SGMS1: variants seen among roughly 807,000 people sequenced by gnomAD.
SGMS1 encodes sphingomyelin synthase 1, also known as phosphatidylcholine:ceramide cholinephosphotransferase 1.
Under a neutral mutation model 46.2 loss-of-function variants are expected in SGMS1, and 13 were observed. The observed-to-expected ratio is 0.28, with a 90% CI of 0.18 to 0.45. The LOEUF (loss-of-function observed/expected upper bound fraction) is 0.45, where lower values mean the gene tolerates loss of function less well. SGMS1 is among the 20% of genes least tolerant of loss of function. The pLI is 1.00. For synonymous variants in SGMS1, 203 were observed against 187.8 expected (o/e 1.08, Z -0.66); for missense variants, 324 against 519.9 (o/e 0.62, Z 3.66).
chr10:50,403,001 C>T (rs889250310), intron 6 of SGMS1, among the ~76,000 whole-genome samples: 2 of 152,136 alleles, frequency 1.3e-5, no homozygotes, highest in South Asian at 2.1e-4. Flanking sequence ...TCCTGAGTTA[C>T]TCCACTTAGA....
intron 1 of SGMS1, among the ~76,000 whole-genome samples, chr10:50,604,219 C>T (rs1414427549): frequency 6.6e-6 from 1 of 152,108 alleles, no homozygotes; most frequent in East Asian, 1.9e-4. Flanking sequence ...CAGCTGGACC[C>T]TCATAAACCT....
chr10:50,408,501 G>A (rs1236742703), intron 6 of SGMS1, among the ~76,000 whole-genome samples: 1 of 151,374 alleles, frequency 6.6e-6, no homozygotes, highest in Non-Finnish European at 1.5e-5. Flanking sequence ...GGCTAACACG[G>A]TGAAACCCCA....
At position 50,520,832 on chromosome 10, in the gene SGMS1, T is replaced by C. The variant is rs117044271; in HGVS notation, c.-588-911A>G. On this transcript the variant is annotated intron_variant, in intron 2 of 10. Coordinates refer to ENST00000361781, the MANE Select transcript of SGMS1 (RefSeq NM_147156.4). ...ACAAAGGTAGTTAAGAAACACCTTATCTTTTCTGCATACTCTACTTTTCTC... is the reference window on the plus strand; with the variant it reads ...ACAAAGGTAGTTAAGAAACACCTTACCTTTTCTGCATACTCTACTTTTCTC... 4.7e-4 allele frequency among the ~76,000 whole-genome samples: 72 copies of C among 152,324 alleles called. No homozygotes were observed. The East Asian group carries it at 5.4e-3, about 11-fold the overall frequency.
At chr10:50,444,161 TA>T (rs1307916229) in intron 5 of SGMS1, among the ~76,000 whole-genome samples, 2 of 152,102 alleles carry the variant, frequency 1.3e-5, no homozygotes, top group African/African-American at 4.8e-5. Context: ...GTAAATAGAC[TA>T]AACATTTAAT....
intron 3 of SGMS1, among the ~76,000 whole-genome samples, chr10:50,499,697 A>G (rs1451700323): frequency 1.3e-5 from 2 of 152,262 alleles, no homozygotes; most frequent in Admixed American, 1.3e-4. Context: ...AGTGGTAACA[A>G]GAACTTGTCA....
chr10:50,339,213 C>G (rs914496978), intron 7 of SGMS1, among the ~76,000 whole-genome samples: 1 of 152,210 alleles, frequency 6.6e-6, no homozygotes, highest in Non-Finnish European at 1.5e-5. Context: ...CCTTATCCAT[C>G]CATGGCTCAC....
chr10:50,503,691 G>A (rs533323370), intron 3 of SGMS1, among the ~76,000 whole-genome samples: 1 of 152,306 alleles, frequency 6.6e-6, no homozygotes, highest in South Asian at 2.1e-4. Flanking sequence ...TCTTCACACG[G>A]ATATGAGTGA....
intron 6 of SGMS1, among the ~76,000 whole-genome samples, chr10:50,397,615 CT>C (rs1372769834): frequency 6.6e-6 from 1 of 152,158 alleles, no homozygotes; most frequent in Non-Finnish European, 1.5e-5. Context: ...CTCTGTGCAT[CT>C]GAGTTATCTC....
At chr10:50,446,647 G>A (rs1588830504) in intron 5 of SGMS1, among the ~76,000 whole-genome samples, 1 of 152,126 alleles carries the variant, frequency 6.6e-6, no homozygotes, top group South Asian at 2.1e-4. Flanking sequence ...AAGACACCAG[G>A]AGCATAAGCA....
chr10:50,504,750 G>C (rs1198578147), intron 3 of SGMS1, among the ~76,000 whole-genome samples: 1 of 151,912 alleles, frequency 6.6e-6, no homozygotes, highest in Non-Finnish European at 1.5e-5. Flanking sequence ...AGTCAAAAAG[G>C]TTTAGAAAAA....
chr10:50,617,128 G>C (rs1259844421), intron 1 of SGMS1, among the ~76,000 whole-genome samples: 2 of 152,100 alleles, frequency 1.3e-5, no homozygotes, highest in Non-Finnish European at 2.9e-5. Context: ...GCAAGTAATG[G>C]GGACAGTTTC....
chr10:50,607,127 C>T (rs1838704823), intron 1 of SGMS1, among the ~76,000 whole-genome samples: 1 of 151,256 alleles, frequency 6.6e-6, no homozygotes, highest in Admixed American at 6.6e-5. Flanking sequence ...TACAGATGCA[C>T]ACCACCACAC....
chr10:50,393,070 A>G (rs1399698129), intron 6 of SGMS1, among the ~76,000 whole-genome samples: 1 of 152,076 alleles, frequency 6.6e-6, no homozygotes, highest in African/African-American at 2.4e-5. Flanking sequence ...CTGACTTCAC[A>G]AAACTGCTGA....
chr10:50,603,296 A>G (rs1437019126), intron 1 of SGMS1, among the ~76,000 whole-genome samples: 3 of 152,240 alleles, frequency 2.0e-5, no homozygotes, highest in African/African-American at 7.2e-5. Flanking sequence ...ATTGCTGGTG[A>G]GAGGCCGGAG....
intron 6 of SGMS1, among the ~76,000 whole-genome samples, chr10:50,382,665 A>G (rs774225473): frequency 2.6e-5 from 4 of 151,928 alleles, no homozygotes; most frequent in Non-Finnish European, 5.9e-5. Context: ...ATAAACAGCA[A>G]TGGAGAGGAG....
chr10:50,607,756 T>C (rs982162002), intron 1 of SGMS1, among the ~76,000 whole-genome samples: 1 of 152,218 alleles, frequency 6.6e-6, no homozygotes, highest in Non-Finnish European at 1.5e-5. Context: ...TAGGAAATAC[T>C]AAAATGAAAC....
chr10:50,500,973 T>C (rs1294039565), intron 3 of SGMS1, among the ~76,000 whole-genome samples: 1 of 152,114 alleles, frequency 6.6e-6, no homozygotes, highest in African/African-American at 2.4e-5. Flanking sequence ...TAATAAGGGA[T>C]CTCATCTGAT....
intron 7 of SGMS1, among the ~76,000 whole-genome samples, chr10:50,337,445 C>A (rs936218331): frequency 6.6e-6 from 1 of 152,040 alleles, no homozygotes; most frequent in East Asian, 1.9e-4. Context: ...AGAAACCTCC[C>A]CCTCCAACTT....
chr10:50,502,986 G>T (rs1197498395), intron 3 of SGMS1, among the ~76,000 whole-genome samples: 1 of 152,162 alleles, frequency 6.6e-6, no homozygotes, highest in Admixed American at 6.5e-5. Flanking sequence ...AACCATGACC[G>T]ATACAAAAAA....
Sources: allele counts gnomAD v4.1 joint callset (sites outside exome capture counted in the v4.1 genomes callset), GRCh38; gene constraint gnomAD v4.1.1; transcripts MANE v1.5; gene names NCBI Gene and HGNC (gene_info 2026-07-23, HGNC 2026-07-21).